Variants in SDK1 observed in about 807,000 individuals in gnomAD.
SDK1 encodes sidekick cell adhesion molecule 1.
A neutral mutation model predicts 245.5 loss-of-function variants in SDK1; 157 were observed. The observed-to-expected ratio is 0.64, with a 90% CI of 0.56 to 0.73. The LOEUF (loss-of-function observed/expected upper bound fraction) is 0.73, where lower values mean the gene tolerates loss of function less well. Among genes scored for constraint, SDK1 ranks in the 30% least tolerant of loss-of-function variants. SDK1 has a pLI of 0.00. For missense variants in SDK1, 3,583 were observed against 3,002.3 expected, an observed-to-expected ratio of 1.19 and a Z score of -4.52; for synonymous variants, 1,647 against 1,278.5, an observed-to-expected ratio of 1.29 and a Z score of -6.15.
chr7:4,100,257 G>C (rs1458317667), intron 22 of SDK1, among the ~76,000 whole-genome samples: 5 of 152,212 alleles, frequency 3.3e-5, no homozygotes, highest in East Asian at 1.9e-4. Context: ...ACTCAGCTCA[G>C]ACACGGCCCT....
chr7:4,185,580 T>G (rs1487418099), intron 35 of SDK1, among the ~76,000 whole-genome samples: 1 of 152,168 alleles, frequency 6.6e-6, no homozygotes, highest in African/African-American at 2.4e-5. Context: ...CTCCCTCCCA[T>G]GCAGCCCTGC....
chr7:3,616,580 A>T (rs1293433795), intron 1 of SDK1, among the ~76,000 whole-genome samples: 1 of 152,164 alleles, frequency 6.6e-6, no homozygotes, highest in Non-Finnish European at 1.5e-5. Flanking sequence ...TAAATCTCCT[A>T]CTGTAAGTTC....
intron 1 of SDK1, among the ~76,000 whole-genome samples, chr7:3,403,596 T>C (rs1043007428): frequency 3.3e-5 from 5 of 151,546 alleles, no homozygotes; most frequent in African/African-American, 1.2e-4. Context: ...TATCTAGATA[T>C]CTGAGTAAAG....
In SDK1 at chr7:4,026,843, C is replaced by T. The variant is rs908976785; in HGVS notation, c.2602+9491C>T. ...GGCACACAAACGGCAATATGTACACCCACCCAGCGGTGTGCGGCCGGTGAC... is the reference window on the plus strand; with the variant it reads ...GGCACACAAACGGCAATATGTACACTCACCCAGCGGTGTGCGGCCGGTGAC... On this transcript the variant is annotated intron_variant, in intron 17 of 44. Transcript: ENST00000404826. This position sits in a 1 kb window ranked among gnomAD's most constrained non-coding sequence, Gnocchi z 4.1. 1.3e-5 allele frequency among the ~76,000 whole-genome samples: 2 copies of T among 152,136 alleles called. No individual in the cohort carries two copies. Among genetic ancestry groups the T allele is most frequent in the Admixed American group, 1.3e-4 (2 of 15,278 alleles).
At chr7:3,521,765 A>G (rs1782948017) in intron 1 of SDK1, among the ~76,000 whole-genome samples, 1 of 152,162 alleles carries the variant, frequency 6.6e-6, no homozygotes, top group African/African-American at 2.4e-5. Flanking sequence ...GATAGCAGAG[A>G]GGCGATATTA....
chr7:3,633,934 A>G (rs922089554), intron 2 of SDK1, among the ~76,000 whole-genome samples: 1 of 152,004 alleles, frequency 6.6e-6, no homozygotes, highest in Non-Finnish European at 1.5e-5. Context: ...CCACTGCCCT[A>G]GTTGGCACTG....
At chr7:3,453,807 T>A (rs1047496590) in intron 1 of SDK1, among the ~76,000 whole-genome samples, 3 of 152,108 alleles carry the variant, frequency 2.0e-5, no homozygotes, top group African/African-American at 7.2e-5. Flanking sequence ...TCTCAAGCGA[T>A]CCTCCTGGAC....
At chr7:4,004,594 A>G (rs1442084991) in intron 14 of SDK1, among the ~76,000 whole-genome samples, 1 of 152,224 alleles carries the variant, frequency 6.6e-6, no homozygotes, top group Admixed American at 6.5e-5. Context: ...TAGAAGTACT[A>G]AATACACACA....
At chr7:3,995,770 A>G (rs1307585598) in intron 14 of SDK1, among the ~76,000 whole-genome samples, 1 of 150,596 alleles carries the variant, frequency 6.6e-6, no homozygotes, top group Non-Finnish European at 1.5e-5. Flanking sequence ...TTTCTCTGCT[A>G]TGATCTGTTC....
At chr7:3,736,361 C>G (rs922273476) in intron 4 of SDK1, among the ~76,000 whole-genome samples, 1 of 152,152 alleles carries the variant, frequency 6.6e-6, no homozygotes, top group East Asian at 1.9e-4. Context: ...TGGCACGTCT[C>G]GGCTCACTGC....
At chr7:3,697,475 G>A (rs776502032) in intron 4 of SDK1, among the ~76,000 whole-genome samples, 1 of 152,174 alleles carries the variant, frequency 6.6e-6, no homozygotes, top group Non-Finnish European at 1.5e-5. Flanking sequence ...AAGTTGGTGC[G>A]AGGCCTTGAA....
intron 28 of SDK1, among the ~76,000 whole-genome samples, chr7:4,132,736 G>C (rs1348241213): frequency 6.7e-6 from 1 of 149,580 alleles, no homozygotes; most frequent in Non-Finnish European, 1.5e-5. Context: ...CCCAAAATAA[G>C]AAAAAAAAAG....
At chr7:3,933,759 G>T (rs1780061920) in intron 5 of SDK1, among the ~76,000 whole-genome samples, 1 of 152,188 alleles carries the variant, frequency 6.6e-6, no homozygotes, top group African/African-American at 2.4e-5. Context: ...AGGTACTACT[G>T]CCTTTCAGCA....
At chr7:3,552,371 G>A (rs569494256) in intron 1 of SDK1, among the ~76,000 whole-genome samples, 3 of 152,234 alleles carry the variant, frequency 2.0e-5, no homozygotes, top group Admixed American at 2.0e-4. Context: ...TGTGGTTCCT[G>A]GAAGTTGAAG....
intron 1 of SDK1, among the ~76,000 whole-genome samples, chr7:3,518,523 T>G (rs1362627319): frequency 6.6e-6 from 1 of 151,526 alleles, no homozygotes; most frequent in Non-Finnish European, 1.5e-5. Context: ...GAGCAAATGA[T>G]CTGAACACAC....
At chr7:3,582,824 C>T (rs1287628302) in intron 1 of SDK1, among the ~76,000 whole-genome samples, 2 of 152,040 alleles carry the variant, frequency 1.3e-5, no homozygotes, top group African/African-American at 4.8e-5. Flanking sequence ...CTTTAGTCTT[C>T]CCCAGCAACC....
chr7:3,745,112 C>A (rs975618512), intron 4 of SDK1, among the ~76,000 whole-genome samples: 2 of 152,164 alleles, frequency 1.3e-5, no homozygotes, highest in African/African-American at 4.8e-5. Context: ...TGAATTTAAT[C>A]TTTGGAATGT....
intron 1 of SDK1, among the ~76,000 whole-genome samples, chr7:3,359,961 C>T (rs1780908468): frequency 6.6e-6 from 1 of 152,230 alleles, no homozygotes; most frequent in Non-Finnish European, 1.5e-5. Context: ...TTTACAGCAA[C>T]AGACACACTC....
At chr7:3,839,371 G>C (rs1034791152) in intron 5 of SDK1, among the ~76,000 whole-genome samples, 2 of 152,056 alleles carry the variant, frequency 1.3e-5, no homozygotes, top group South Asian at 2.1e-4. Flanking sequence ...TAGAATTCTT[G>C]GTTTTCAAGA....
Sources: gnomAD v4.1 joint callset for allele counts (sites outside exome capture counted in the v4.1 genomes callset) on GRCh38, gnomAD v4.1.1 for gene constraint, Gnocchi (gnomAD v3.1) non-coding constraint, MANE v1.5 for transcripts, NCBI Gene and HGNC (gene_info 2026-07-23, HGNC 2026-07-21) for gene names.